ANKH: variants seen among roughly 807,000 people sequenced by gnomAD.
ANKH encodes ANKH inorganic pyrophosphate transport regulator.
Under a neutral mutation model 49.0 loss-of-function variants are expected in ANKH, and 15 were observed. The observed-to-expected ratio is 0.31, with a 90% confidence interval of 0.20 to 0.47. The LOEUF is 0.47. ANKH is among the 20% of genes least tolerant of loss of function. The pLI, the probability that ANKH is intolerant of heterozygous loss-of-function variation, is 1.00. For synonymous variants in ANKH, 273 were observed against 260.0 expected (o/e 1.05, Z -0.48); for missense variants, 429 against 652.0 (o/e 0.66, Z 3.72).
chr5:14,808,662 A>G (rs1740778944), intron 1 of ANKH, among the ~76,000 whole-genome samples: 2 of 151,658 alleles, frequency 1.3e-5, no homozygotes, highest in South Asian at 4.2e-4. Flanking sequence ...TAGAATGGCA[A>G]TCATTAAAAA....
intron 1 of ANKH, chr5:14,797,469 T>C (rs1319628146): frequency 1.9e-6 from 3 of 1,611,322 alleles, no homozygotes; most frequent in East Asian, 4.5e-5. Context: ...CTCAAAGGAA[T>C]GCAACTTAAG....
rs112327510 is a variant in ANKH at position 14,760,758 on chromosome 5, A to C, written c.314-2160T>G. Among the ~76,000 whole-genome samples, 49 of 152,334 alleles carry C rather than the reference A, an allele frequency of 3.2e-4. 1 individual carries two copies. The highest frequency in any genetic ancestry group is 1.1e-3 in the African/African-American group (46 of 41,590). On this transcript the variant is annotated intron_variant, in intron 2 of 11. Transcript: ENST00000284268. ...CTGGCTAGGAATAGCTCATGAGCTA[A>C]AATCCCCTGGTGAAGGTTACGGTCA...
intron 1 of ANKH, among the ~76,000 whole-genome samples, chr5:14,846,710 G>A (rs1741970584): frequency 6.6e-6 from 1 of 152,100 alleles, no homozygotes; most frequent in Non-Finnish European, 1.5e-5. Flanking sequence ...GAACCTCAAG[G>A]GCCAAGGGTG....
intron 1 of ANKH, among the ~76,000 whole-genome samples, chr5:14,775,709 G>A (rs1281963660): frequency 6.6e-6 from 1 of 152,186 alleles, no homozygotes; most frequent in Non-Finnish European, 1.5e-5. Context: ...GGAACAGAAG[G>A]GAGGCCAGTA....
chr5:14,792,096 A>AG lies in ANKH; in HGVS notation c.97-22906dup, dbSNP rs370036301. 5.2e-3 allele frequency among the ~76,000 whole-genome samples: 789 copies of AG among 152,248 alleles called. 5 individuals carry two copies. The highest frequency in any genetic ancestry group is 0.018 in the African/African-American group (767 of 41,536). On this transcript the variant is annotated intron_variant, in intron 1 of 11. Transcript: ENST00000284268. ...TTTGGGACGAGGGTGGAGGGCTCTG[A>AG]GGGGGTACAGGGAGTGCCAGAGCTC...
At chr5:14,760,330 G>A (rs1161666666) in intron 2 of ANKH, among the ~76,000 whole-genome samples, 2 of 152,190 alleles carry the variant, frequency 1.3e-5, no homozygotes, top group Admixed American at 6.5e-5. Flanking sequence ...GCTGTGCAGA[G>A]ATGAAAAGGG....
chr5:14,767,266 A>G (rs1739286111), intron 2 of ANKH, among the ~76,000 whole-genome samples: 1 of 152,216 alleles, frequency 6.6e-6, no homozygotes, highest in South Asian at 2.1e-4. Context: ...AAGGCAAGAG[A>G]GCAGCTAAAG....
intron 1 of ANKH, among the ~76,000 whole-genome samples, chr5:14,820,884 GC>G (rs1248031982): frequency 2.6e-5 from 4 of 152,198 alleles, no homozygotes; most frequent in Admixed American, 2.6e-4. Flanking sequence ...GATCTCTTAA[GC>G]CCAGGAATTC....
rs1350864949 is a variant in ANKH, at chr5:14,871,595, C to T, written c.-148G>A. ...GGCCTCGGGCGCGGCGGCGGCGGCT[C>T]CTCCTCGCGGCTGCGGCGCCTTCTC... is the stretch of plus-strand genomic sequence containing the variant. On this transcript the variant is annotated 5_prime_UTR_variant, in exon 1 of 12. Transcript: ENST00000284268. The T allele has an allele frequency of 4.3e-6, 1 of 230,264 alleles. No individual in the cohort carries two copies. Among genetic ancestry groups the T allele is most frequent in the African/African-American group, 2.4e-5 (1 of 42,214 alleles). 14.3% of individuals were successfully genotyped at this position (230,264 alleles called of 1,614,324 possible). A position where few individuals can be genotyped will look rare whatever the true frequency, so the allele number is the denominator to read the frequency against.
intron 1 of ANKH, among the ~76,000 whole-genome samples, chr5:14,813,607 C>T (rs904124621): frequency 1.3e-5 from 2 of 152,152 alleles, no homozygotes; most frequent in Admixed American, 1.3e-4. Context: ...CCACAGTGAC[C>T]TTCAATGCCT....
intron 2 of ANKH, among the ~76,000 whole-genome samples, chr5:14,767,714 A>G (rs1054835479): frequency 6.6e-6 from 1 of 152,228 alleles, no homozygotes; most frequent in Non-Finnish European, 1.5e-5. Context: ...AAGTAAAAAA[A>G]GAGCTAGTAA....
intron 1 of ANKH, among the ~76,000 whole-genome samples, chr5:14,772,731 G>A (rs1207115820): frequency 1.3e-5 from 2 of 152,204 alleles, no homozygotes; most frequent in Non-Finnish European, 2.9e-5. Context: ...GCCTTCTGTA[G>A]GGGACACTAC....
At chr5:14,731,847 C>T (rs1354181500) in intron 8 of ANKH, among the ~76,000 whole-genome samples, 1 of 152,162 alleles carries the variant, frequency 6.6e-6, no homozygotes, top group Non-Finnish European at 1.5e-5. Flanking sequence ...ACTGCCTAGG[C>T]GTTTGATGAT....
At chr5:14,775,802 T>C (rs1019755574) in intron 1 of ANKH, among the ~76,000 whole-genome samples, 17 of 152,042 alleles carry the variant, frequency 1.1e-4, no homozygotes, top group Non-Finnish European at 2.4e-4. Flanking sequence ...AGAACATGTG[T>C]TTTGCTGCAA....
intron 1 of ANKH, among the ~76,000 whole-genome samples, chr5:14,779,028 T>C (rs1430029246): frequency 6.6e-6 from 1 of 152,192 alleles, no homozygotes; most frequent in Non-Finnish European, 1.5e-5. Flanking sequence ...CCTCACCTCT[T>C]ATCCATCTGG....
Position 14,719,357 on chromosome 5 carries a change from C to T in ANKH, c.1012-2522G>A, listed in dbSNP as rs569392097. 3.9e-4 allele frequency among the ~76,000 whole-genome samples: 59 copies of T among 152,288 alleles called. No homozygotes were observed. In the Middle Eastern group the frequency reaches 0.01, roughly 26 times the overall value. On this transcript the variant is annotated intron_variant, in intron 8 of 11. Transcript: ENST00000284268. ...CACTTTTTCAAGAAGCTATTGGTGA[C>T]GGTTGCTTTGCCAAGGCAAGTGAGC... is the stretch of plus-strand genomic sequence containing the variant.
chr5:14,787,544 ATTAAC>A (rs1455403403), intron 1 of ANKH, among the ~76,000 whole-genome samples: 1 of 152,228 alleles, frequency 6.6e-6, no homozygotes, highest in Non-Finnish European at 1.5e-5. Flanking sequence ...TGGGACAATT[ATTAAC>A]TTGATACATT....
At chr5:14,801,656 A>G (rs1740569453) in intron 1 of ANKH, among the ~76,000 whole-genome samples, 1 of 152,240 alleles carries the variant, frequency 6.6e-6, no homozygotes, top group Non-Finnish European at 1.5e-5. Flanking sequence ...AGTCCTCCAT[A>G]GGACATTTTG....
In ANKH at chr5:14,737,814, T is replaced by A. The variant is rs1362780804; in HGVS notation, c.1011+4013A>T. Among the ~76,000 whole-genome samples, 2 of 152,238 alleles carry A rather than the reference T, an allele frequency of 1.3e-5. No homozygotes were observed. The highest frequency in any genetic ancestry group is 4.8e-5 in the African/African-American group (2 of 41,464). On this transcript the variant is annotated intron_variant, in intron 8 of 11. Coordinates refer to ENST00000284268, the MANE Select transcript of ANKH (RefSeq NM_054027.6). The surrounding 1 kb of genome is among the most constrained non-coding windows in gnomAD (Gnocchi z 5.0). ...GTTTGCACTGTGTCTGCTCCCTCGT[T>A]GCTATCAAGGGGATTCCGTTTCATC...
Sources: allele counts gnomAD v4.1 joint callset (sites outside exome capture counted in the v4.1 genomes callset), GRCh38; gene constraint gnomAD v4.1.1; non-coding constraint Gnocchi (gnomAD v3.1); transcripts MANE v1.5; gene names NCBI Gene and HGNC (gene_info 2026-07-23, HGNC 2026-07-21).